The following SOWAHC variants were observed in gnomAD, a reference collection of about 807,000 sequenced individuals.
The protein encoded by SOWAHC is ankyrin repeat domain-containing protein SOWAHC.
SOWAHC carries 12 observed loss-of-function variants against 14.4 expected under a neutral mutation model. That is an observed-to-expected ratio of 0.83 (90% CI 0.53 to 1.35). The LOEUF is 1.35. SOWAHC is among the 40% of genes most tolerant of loss of function. The pLI, the probability that SOWAHC is intolerant of heterozygous loss-of-function variation, is 0.00. For synonymous variants in SOWAHC, 398 were observed against 347.0 expected (o/e 1.15, Z -1.63); for missense variants, 771 against 752.8 (o/e 1.02, Z -0.28).
chr2:109,615,130 C>G lies in SOWAHC; in HGVS notation c.641C>G (p.Pro214Arg), dbSNP rs2106434696. Residue 214 changes from proline to arginine, a missense_variant, in exon 1 of 1, where the codon CCG becomes CGG. Pro to Arg is a moderately radical substitution (Grantham distance 103, BLOSUM62 -2). Transcript: ENST00000356454. ...CGTGACCTGGTGATGGGCAGCTCCC[C>G]GCAGCTGAAGAGGAGCGTGTGTCCC... Reference protein sequence around the residue: ...NLRDLVMGSSPQLKRSVCPGG... With the variant: ...NLRDLVMGSSRQLKRSVCPGG... The G allele has an allele frequency of 1.3e-6, 2 of 1,549,696 alleles. No homozygotes were observed. Among genetic ancestry groups the G allele is most frequent in the East Asian group, 4.9e-5 (2 of 40,898 alleles).
chr2:109,616,271 T>C lies in SOWAHC; in HGVS notation c.*204T>C. On this transcript the variant is annotated 3_prime_UTR_variant, in exon 1 of 1. Coordinates refer to ENST00000356454, the MANE Select transcript of SOWAHC (RefSeq NM_023016.4). The stretch of plus-strand genomic sequence containing the variant: ...CAGAGATTCATCATACCTTGACCTG[T>C]ACCTCTTCTCTGCCCTCCACTTCCC... 1.4e-6 allele frequency: 1 copy of C among 717,640 alleles called. No homozygotes were observed. Among genetic ancestry groups the C allele is most frequent in the South Asian group, 5.8e-5 (1 of 17,214 alleles). The allele number at this position is 717,640 out of a possible 1,614,324, so 44.5% of individuals were successfully genotyped here.
In SOWAHC at chr2:109,614,610, G is replaced by T; in HGVS notation, c.121G>T (p.Ala41Ser). The T allele has an allele frequency of 6.9e-7, 1 of 1,457,532 alleles. No homozygotes were observed. Among genetic ancestry groups the T allele is most frequent in the East Asian group, 3.0e-5 (1 of 32,856 alleles). The allele number at this position is 1,457,532 out of a possible 1,614,324, so 90.3% of individuals were successfully genotyped here. Reference protein sequence around the residue: ...HAELVQHFRGALGGEPEQRAR... With the variant: ...HAELVQHFRGSLGGEPEQRAR... The stretch of plus-strand genomic sequence containing the variant: ...CGAGCTGGTGCAGCACTTCAGGGGC[G>T]CCCTAGGCGGCGAACCGGAGCAGCG... The change falls in exon 1 of 1, where the codon GCC becomes TCC. Residue 41 changes from alanine to serine, a missense_variant. Physicochemically the swap from Ala to Ser is moderately conservative, Grantham distance 99. Coordinates refer to ENST00000356454, the MANE Select transcript of SOWAHC (RefSeq NM_023016.4).
chr2:109,614,650 C>A lies in SOWAHC; in HGVS notation c.161C>A (p.Ala54Glu), dbSNP rs779366267. 1 of 1,472,416 alleles carries A rather than the reference C, an allele frequency of 6.8e-7. No individual in the cohort carries two copies. Among genetic ancestry groups the A allele is most frequent in the South Asian group, 1.3e-5 (1 of 77,950 alleles). The allele number at this position is 1,472,416 out of a possible 1,614,324, so 91.2% of individuals were successfully genotyped here. The change falls in exon 1 of 1, where the codon GCG becomes GAG. Residue 54 changes from alanine (A) to glutamate (E), a missense_variant. Physicochemically the swap from Ala to Glu is moderately radical, Grantham distance 107. Transcript: ENST00000356454. ...GEPEQRARARAHFKELVNAVA... is the reference protein window; with the variant it reads ...GEPEQRARAREHFKELVNAVA... The stretch of plus-strand genomic sequence containing the variant: ...CCGGAGCAGCGCGCCCGCGCCCGCG[C>A]GCACTTCAAGGAGCTGGTGAACGCC...
rs879360463 is a variant in SOWAHC at position 109,614,825 on chromosome 2, C to T, written c.336C>T (p.Pro112=). ...EPEAPDGPAG[P]EARDRLPDAA... ...AGGCCCCCGACGGCCCTGCCGGGCC[C>T]GAGGCGCGCGATCGGCTCCCCGACG... Residue 112 remains proline (P), a synonymous_variant, in exon 1 of 1, where the codon CCC becomes CCT. Transcript: ENST00000356454. 5 of 1,433,120 alleles carry T rather than the reference C, an allele frequency of 3.5e-6. No homozygotes were observed. The highest frequency in any genetic ancestry group is 4.5e-6 in the Non-Finnish European group (5 of 1,101,194). 88.8% of individuals were successfully genotyped at this position (1,433,120 alleles called of 1,614,324 possible).
chr2:109,618,592 T>A lies in SOWAHC; in HGVS notation c.*2525T>A, dbSNP rs747714276. The A allele has an allele frequency of 2.4e-5, 4 of 167,066 alleles. No individual in the cohort carries two copies. Among genetic ancestry groups the A allele is most frequent in the Non-Finnish European group, 4.4e-5 (3 of 68,118 alleles). The allele number at this position is 167,066 out of a possible 1,614,324, so 10.3% of individuals were successfully genotyped here. A position where few individuals can be genotyped will look rare whatever the true frequency, so the allele number is the denominator to read the frequency against. The stretch of plus-strand genomic sequence containing the variant: ...TAAGTAGCATTTTCGGCTACTTAAC[T>A]TTACATTCCTCTTATTTTTCAGTTT... On this transcript the variant is annotated 3_prime_UTR_variant, in exon 1 of 1. Transcript: ENST00000356454.
Position 109,615,482 on chromosome 2 carries a change from G to A in SOWAHC, c.993G>A (p.Pro331=), listed in dbSNP as rs2106436413. The change falls in exon 1 of 1, where the codon CCG becomes CCA. Residue 331 remains proline (P), a synonymous_variant. Transcript: ENST00000356454. ...LVNFANKHQL[P]VNIDARTSGG... is the part of the protein sequence containing the mutation. ...ACTTCGCCAACAAACACCAGCTGCC[G>A]GTGAACATCGACGCCAGGACGAGCG... is the stretch of plus-strand genomic sequence containing the variant. 1 of 1,613,592 alleles carries A rather than the reference G, an allele frequency of 6.2e-7. No individual in the cohort carries two copies. Among genetic ancestry groups the A allele is most frequent in the Non-Finnish European group, 8.5e-7 (1 of 1,180,036 alleles).
In SOWAHC at chr2:109,614,873, T is replaced by C; in HGVS notation, c.384T>C (p.Pro128=). The change falls in exon 1 of 1, where the codon CCT becomes CCC. Residue 128 remains proline, a synonymous_variant. Coordinates refer to ENST00000356454, the MANE Select transcript of SOWAHC (RefSeq NM_023016.4). Reference sequence around the variant, plus strand: ...ACGCGGCGGCCCCGGAGTCGCTCCCTGGACAGGGCCGCGAGCTGGGCGAGG... The same window carrying C: ...ACGCGGCGGCCCCGGAGTCGCTCCCCGGACAGGGCCGCGAGCTGGGCGAGG... ...LPDAAAPESL[P]GQGRELGEGE... 5 of 1,417,822 alleles carry C rather than the reference T, an allele frequency of 3.5e-6. No homozygotes were observed. The highest frequency in any genetic ancestry group is 2.7e-6 in the Non-Finnish European group (3 of 1,097,966). The allele number at this position is 1,417,822 out of a possible 1,614,324, so 87.8% of individuals were successfully genotyped here. A position where few individuals can be genotyped will look rare whatever the true frequency, so the allele number is the denominator to read the frequency against.
Position 109,614,658 on chromosome 2 carries a change from A to C in SOWAHC, c.169A>C (p.Lys57Gln). The C allele has an allele frequency of 6.8e-7, 1 of 1,477,746 alleles. No homozygotes were observed. The highest frequency in any genetic ancestry group is 8.9e-7 in the Non-Finnish European group (1 of 1,118,802). 91.5% of individuals were successfully genotyped at this position (1,477,746 alleles called of 1,614,324 possible). A position where few individuals can be genotyped will look rare whatever the true frequency, so the allele number is the denominator to read the frequency against. The change falls in exon 1 of 1, where the codon AAG (lysine) becomes CAG (glutamine). Residue 57 changes from lysine (K) to glutamine (Q), a missense_variant. Coordinates refer to ENST00000356454, the MANE Select transcript of SOWAHC (RefSeq NM_023016.4). ...EQRARARAHF[K>Q]ELVNAVATVR... The stretch of plus-strand genomic sequence containing the variant: ...GCGCGCCCGCGCCCGCGCGCACTTC[A>C]AGGAGCTGGTGAACGCCGTGGCCAC...
Position 109,615,213 on chromosome 2 carries a change from T to C in SOWAHC, c.724T>C (p.Ser242Pro), listed in dbSNP as rs941552335. ...AGGACGCGGCAGAGGCGGGGGCGAC[T>C]CAGACAGCGCATCGGTGGCCTCGTC... ...GGGRGRGGGD[S>P]DSASVASSSA... Residue 242 changes from serine to proline, a missense_variant, in exon 1 of 1, where the codon TCA (serine) becomes CCA (proline). By Grantham distance (74) the Ser-to-Pro change is moderately conservative (BLOSUM62 -1). Transcript: ENST00000356454. 6.5e-6 allele frequency: 10 copies of C among 1,546,608 alleles called. No individual in the cohort carries two copies. Among genetic ancestry groups the C allele is most frequent in the Middle Eastern group, 1.8e-4 (1 of 5,524 alleles).
At position 109,616,901 on chromosome 2, in the gene SOWAHC, T is replaced by G. The variant is rs1465668872; in HGVS notation, c.*834T>G. On this transcript the variant is annotated 3_prime_UTR_variant, in exon 1 of 1. Transcript: ENST00000356454. ...CTTTCGGATTCTCACTAACTTTTGT[T>G]ACTATTCTAAAAGTTTGAATTTGCT... The G allele has an allele frequency of 1.2e-5, 2 of 167,104 alleles. No individual in the cohort carries two copies. Among genetic ancestry groups the G allele is most frequent in the Non-Finnish European group, 2.9e-5 (2 of 68,122 alleles). 10.4% of individuals were successfully genotyped at this position (167,104 alleles called of 1,614,324 possible). A position where few individuals can be genotyped will look rare whatever the true frequency, so the allele number is the denominator to read the frequency against.
rs1208452230 is a variant in SOWAHC at position 109,615,851 on chromosome 2, G to A, written c.1362G>A (p.Lys454=). Residue 454 remains lysine, a synonymous_variant, in exon 1 of 1, where the codon AAG becomes AAA. Coordinates refer to ENST00000356454, the MANE Select transcript of SOWAHC (RefSeq NM_023016.4). ...SAEGWVGGKA[K]DPGRKASGSS... ...AGGGGTGGGTCGGAGGCAAAGCCAA[G>A]GATCCAGGGCGCAAAGCCTCGGGCA... 1 of 1,614,094 alleles carries A rather than the reference G, an allele frequency of 6.2e-7. No individual in the cohort carries two copies. The highest frequency in any genetic ancestry group is 1.1e-5 in the South Asian group (1 of 91,078).
rs1700031049 is a variant in SOWAHC, at chr2:109,614,818, C to T, written c.329C>T (p.Ala110Val). The T allele has an allele frequency of 1.6e-5, 23 of 1,453,222 alleles. No individual in the cohort carries two copies. The highest frequency in any genetic ancestry group is 2.0e-5 in the Non-Finnish European group (22 of 1,109,284). The allele number at this position is 1,453,222 out of a possible 1,614,324, so 90.0% of individuals were successfully genotyped here. A position where few individuals can be genotyped will look rare whatever the true frequency, so the allele number is the denominator to read the frequency against. Residue 110 changes from alanine to valine, a missense_variant, in exon 1 of 1, where the codon GCC (alanine) becomes GTC (valine). Physicochemically the swap from Ala to Val is moderately conservative, Grantham distance 64. Transcript: ENST00000356454. Reference protein sequence around the residue: ...TAEPEAPDGPAGPEARDRLPD... With the variant: ...TAEPEAPDGPVGPEARDRLPD... Reference sequence around the variant, plus strand: ...GAGCCCGAGGCCCCCGACGGCCCTGCCGGGCCCGAGGCGCGCGATCGGCTC... The same window carrying T: ...GAGCCCGAGGCCCCCGACGGCCCTGTCGGGCCCGAGGCGCGCGATCGGCTC...
chr2:109,614,711 C>CA lies in SOWAHC; in HGVS notation c.224dup (p.Tyr76ValfsTer10). On this transcript the variant is annotated frameshift_variant, in exon 1 of 1. Coordinates refer to ENST00000356454, the MANE Select transcript of SOWAHC (RefSeq NM_023016.4). LOFTEE classifies it low-confidence loss of function (END_TRUNC). ...TGCGCGTCGATCCCGCCGACGGCGC[C>CA]AAGTACGTGCACCTCAAGAAGAGGT... The CA allele has an allele frequency of 6.7e-7, 1 of 1,488,560 alleles. No homozygotes were observed. Among genetic ancestry groups the CA allele is most frequent in the Non-Finnish European group, 8.9e-7 (1 of 1,123,810 alleles). The allele number at this position is 1,488,560 out of a possible 1,614,324, so 92.2% of individuals were successfully genotyped here.
In SOWAHC at chr2:109,618,944, A is replaced by G. The variant is rs895446826; in HGVS notation, c.*2877A>G. ...AAATAAGTGAAATTTGGGAGATTGT[A>G]AAATCTGTAAAGTTTGTTTTGTGAA... On this transcript the variant is annotated 3_prime_UTR_variant, in exon 1 of 1. Transcript: ENST00000356454. 6.0e-6 allele frequency: 1 copy of G among 167,102 alleles called. No homozygotes were observed. The highest frequency in any genetic ancestry group is 1.5e-5 in the Non-Finnish European group (1 of 68,114). The allele number at this position is 167,102 out of a possible 1,614,324, so 10.4% of individuals were successfully genotyped here. A position where few individuals can be genotyped will look rare whatever the true frequency, so the allele number is the denominator to read the frequency against.
rs1160085591 is a variant in SOWAHC, at chr2:109,615,751, C to G, written c.1262C>G (p.Ser421Trp). 2 of 1,614,036 alleles carry G rather than the reference C, an allele frequency of 1.2e-6. No individual in the cohort carries two copies. The highest frequency in any genetic ancestry group is 2.2e-5 in the East Asian group (1 of 44,860). Residue 421 changes from serine to tryptophan, a missense_variant, in exon 1 of 1, where the codon TCG (serine) becomes TGG (tryptophan). Physicochemically the swap from Ser to Trp is radical, Grantham distance 177. Transcript: ENST00000356454. ...TGGAGGCTTTCAAAGGTGCTTCCCTCGCATCTCATCACCTACAAACTCTCA... is the reference window on the plus strand; with the variant it reads ...TGGAGGCTTTCAAAGGTGCTTCCCTGGCATCTCATCACCTACAAACTCTCA... ...GRWRLSKVLPSHLITYKLSHA... is the reference protein window; with the variant it reads ...GRWRLSKVLPWHLITYKLSHA...
At position 109,614,917 on chromosome 2, in the gene SOWAHC, C is replaced by G; in HGVS notation, c.428C>G (p.Ala143Gly). Reference protein sequence around the residue: ...ELGEGEPPAPAHWPPLSAGAR... With the variant: ...ELGEGEPPAPGHWPPLSAGAR... ...GGCGAGGGAGAGCCCCCCGCCCCCG[C>G]GCACTGGCCGCCCCTGAGCGCCGGG... The change falls in exon 1 of 1, where the codon GCG (alanine) becomes GGG (glycine). Residue 143 changes from alanine to glycine, a missense_variant. Transcript: ENST00000356454. 6.8e-7 allele frequency: 1 copy of G among 1,471,452 alleles called. No individual in the cohort carries two copies. The highest frequency in any genetic ancestry group is 8.9e-7 in the Non-Finnish European group (1 of 1,119,726). 91.1% of individuals were successfully genotyped at this position (1,471,452 alleles called of 1,614,324 possible). A position where few individuals can be genotyped will look rare whatever the true frequency, so the allele number is the denominator to read the frequency against.
rs748417031 is a variant in SOWAHC at position 109,614,633 on chromosome 2, GCGCGCC to G, written c.156_161del (p.Arg53_Ala54del). 8.2e-6 allele frequency: 12 copies of G among 1,465,864 alleles called. No homozygotes were observed. In the African/African-American group the frequency reaches 1.2e-4, roughly 14 times the overall value. 90.8% of individuals were successfully genotyped at this position (1,465,864 alleles called of 1,614,324 possible). A position where few individuals can be genotyped will look rare whatever the true frequency, so the allele number is the denominator to read the frequency against. ...GCGCCCTAGGCGGCGAACCGGAGCA[GCGCGCC>G]CGCGCCCGCGCGCACTTCAAGGAGC... On this transcript the variant is annotated inframe_deletion, in exon 1 of 1. Transcript: ENST00000356454.
At position 109,614,633 on chromosome 2, in the gene SOWAHC, G is replaced by C; in HGVS notation, c.144G>C (p.Gln48His). The change falls in exon 1 of 1, where the codon CAG (glutamine) becomes CAC (histidine). Residue 48 changes from glutamine (Q) to histidine (H), a missense_variant. By Grantham distance (24) the Gln-to-His change is conservative. Coordinates refer to ENST00000356454, the MANE Select transcript of SOWAHC (RefSeq NM_023016.4). ...GCGCCCTAGGCGGCGAACCGGAGCA[G>C]CGCGCCCGCGCCCGCGCGCACTTCA... ...FRGALGGEPE[Q>H]RARARAHFKE... The C allele has an allele frequency of 6.8e-7, 1 of 1,466,000 alleles. No individual in the cohort carries two copies. The highest frequency in any genetic ancestry group is 2.4e-5 in the Admixed American group (1 of 41,344). 90.8% of individuals were successfully genotyped at this position (1,466,000 alleles called of 1,614,324 possible).
Position 109,615,460 on chromosome 2 carries a change from T to C in SOWAHC, c.971T>C (p.Phe324Ser). ...GAGCTTCTGGCCATGCTAGTCAACT[T>C]CGCCAACAAACACCAGCTGCCGGTG... ...RQELLAMLVN[F>S]ANKHQLPVNI... The change falls in exon 1 of 1, where the codon TTC (phenylalanine) becomes TCC (serine). Residue 324 changes from phenylalanine (F) to serine (S), a missense_variant. Transcript: ENST00000356454. 4.3e-6 allele frequency: 7 copies of C among 1,613,244 alleles called. No individual in the cohort carries two copies. Among genetic ancestry groups the C allele is most frequent in the Non-Finnish European group, 5.9e-6 (7 of 1,180,016 alleles).
Sources: allele counts gnomAD v4.1 joint callset, GRCh38; gene constraint gnomAD v4.1.1; transcripts MANE v1.5; gene names NCBI Gene and HGNC (gene_info 2026-07-23, HGNC 2026-07-21).